SMIM36: variants seen among roughly 807,000 people sequenced by gnomAD.
SMIM36 encodes small integral membrane protein 36.
intron 4 of SMIM36, among the ~76,000 whole-genome samples, chr17:55,463,148 C>T (rs994666390): frequency 3.3e-5 from 5 of 152,162 alleles, no homozygotes; most frequent in African/African-American, 1.2e-4. Flanking sequence ...CCAGTGGATA[C>T]CTTAAACTTT....
chr17:55,486,096 C>T (rs547476029), intron 1 of SMIM36, among the ~76,000 whole-genome samples: 4 of 146,998 alleles, frequency 2.7e-5, no homozygotes, highest in South Asian at 4.3e-4. Context: ...AGTGCAATGG[C>T]GTGATCTCCG....
rs115616907 is a variant in SMIM36 at position 55,452,843 on chromosome 17, G to A, written c.*532-2545C>T. Reference sequence around the variant, plus strand: ...AATTCCAGTGACAACAAAGCCATTAGGTCAACACTCACTAAATAAATTTTT... The same window carrying A: ...AATTCCAGTGACAACAAAGCCATTAAGTCAACACTCACTAAATAAATTTTT... On this transcript the variant is annotated intron_variant, in intron 4 of 4. Coordinates refer to ENST00000636752, the Ensembl canonical transcript of SMIM36. 8.2e-3 allele frequency among the ~76,000 whole-genome samples: 1,255 copies of A among 152,236 alleles called. 17 individuals are homozygous for A. The highest frequency in any genetic ancestry group is 0.029 in the African/African-American group (1,189 of 41,526).
intron 4 of SMIM36, chr17:55,454,007 C>T (rs1428888391): frequency 2.0e-5 from 3 of 152,172 alleles, no homozygotes; most frequent in Non-Finnish European, 4.4e-5. Context: ...GGAAGGGGAT[C>T]AGGGCAAGTT....
At chr17:55,532,023 A>G in the SMIM36 span, among the ~76,000 whole-genome samples, 1 of 152,256 alleles carries the variant, frequency 6.6e-6, no homozygotes, top group African/African-American at 2.4e-5. Flanking sequence ...TGAATTTTAA[A>G]ATTGAAATAA....
intron 4 of SMIM36, among the ~76,000 whole-genome samples, chr17:55,455,647 C>T (rs1238595586): frequency 6.6e-6 from 1 of 151,886 alleles, no homozygotes; most frequent in Non-Finnish European, 1.5e-5. Context: ...AAAAATTAGC[C>T]AGTCATGGTG....
chr17:55,489,143 C>T (rs902020976), intron 1 of SMIM36, among the ~76,000 whole-genome samples: 3 of 152,078 alleles, frequency 2.0e-5, no homozygotes, highest in East Asian at 1.9e-4. Flanking sequence ...GTTGGGAGTC[C>T]GAGGCAGGCA....
At chr17:55,526,293 G>T in the SMIM36 span, among the ~76,000 whole-genome samples, 4 of 151,984 alleles carry the variant, frequency 2.6e-5, no homozygotes, top group Non-Finnish European at 5.9e-5. Flanking sequence ...ACAGGTGTGC[G>T]CCACCACATC....
chr17:55,532,058 C>A, the SMIM36 span, among the ~76,000 whole-genome samples: 16 of 152,296 alleles, frequency 1.1e-4, no homozygotes, highest in East Asian at 2.9e-3. Context: ...AAAGTCTCAC[C>A]TGTGTAATTT....
At chr17:55,512,528 G>A (rs759875090), upstream of SMIM36, among the ~76,000 whole-genome samples, 1 of 152,218 alleles carries the variant, frequency 6.6e-6, no homozygotes, top group East Asian at 1.9e-4. Context: ...GATACTGATC[G>A]GATTACAGTT....
chr17:55,483,498 T>A (rs1909553597), intron 1 of SMIM36, among the ~76,000 whole-genome samples: 1 of 152,162 alleles, frequency 6.6e-6, no homozygotes, highest in South Asian at 2.1e-4. Flanking sequence ...ATCATGTGGG[T>A]GGGCCTCCTC....
intron 1 of SMIM36, among the ~76,000 whole-genome samples, chr17:55,509,605 C>T (rs985623475): frequency 1.3e-5 from 2 of 152,150 alleles, no homozygotes; most frequent in East Asian, 3.8e-4. Flanking sequence ...TCATGCCTGA[C>T]CCTGCTTCCT....
intron 3 of SMIM36, among the ~76,000 whole-genome samples, chr17:55,467,837 A>G (rs1236179638): frequency 6.6e-6 from 1 of 152,164 alleles, no homozygotes; most frequent in Non-Finnish European, 1.5e-5. Flanking sequence ...AAGAACCACA[A>G]AAGAAGTGAA....
intron 4 of SMIM36, among the ~76,000 whole-genome samples, chr17:55,460,786 A>G (rs919481311): frequency 2.6e-5 from 4 of 152,128 alleles, no homozygotes; most frequent in African/African-American, 9.6e-5. Context: ...TGAACCCAGG[A>G]GGCGGAGCTT....
chr17:55,458,846 A>G (rs1909082339), intron 4 of SMIM36, among the ~76,000 whole-genome samples: 1 of 151,950 alleles, frequency 6.6e-6, no homozygotes, highest in African/African-American at 2.4e-5. Context: ...CCTCCACGCA[A>G]TAAAATTTTA....
At chr17:55,511,062 G>C (rs1910172408) in exon 1 of SMIM36, 2 of 398,366 alleles carry the variant, frequency 5.0e-6, no homozygotes, top group South Asian at 2.6e-4. Flanking sequence ...CTCATACCAT[G>C]GTGCTTTTCT....
intron 1 of SMIM36, among the ~76,000 whole-genome samples, chr17:55,500,700 T>A (rs953118710): frequency 7.0e-6 from 1 of 143,318 alleles, no homozygotes; most frequent in Admixed American, 7.7e-5. Flanking sequence ...GGATTCCTAT[T>A]AAAAATAAAA....
chr17:55,525,976 G>T, the SMIM36 span, among the ~76,000 whole-genome samples: 5 of 145,386 alleles, frequency 3.4e-5, no homozygotes, highest in African/African-American at 9.9e-5. Flanking sequence ...TAATTGATTT[G>T]TTTTGATTTG....
the SMIM36 span, among the ~76,000 whole-genome samples, chr17:55,520,457 G>T: frequency 6.6e-6 from 1 of 152,126 alleles, no homozygotes; most frequent in African/African-American, 2.4e-5. Context: ...TATCCGAATT[G>T]CTGGCATCAC....
At chr17:55,471,350 G>C (rs1014136678) in intron 3 of SMIM36, among the ~76,000 whole-genome samples, 1 of 152,096 alleles carries the variant, frequency 6.6e-6, no homozygotes, top group Non-Finnish European at 1.5e-5. Flanking sequence ...GCAGGACACT[G>C]TCCTGCTTCT....
Sources: allele counts gnomAD v4.1 joint callset (sites outside exome capture counted in the v4.1 genomes callset), GRCh38; gene constraint gnomAD v4.1.1; transcripts MANE v1.5; gene names NCBI Gene and HGNC (gene_info 2026-07-23, HGNC 2026-07-21).